SDR42E2: variants seen among roughly 807,000 people sequenced by gnomAD.
SDR42E2 encodes putative short-chain dehydrogenase/reductase family 42E member 2.
SDR42E2 carries 20 observed loss-of-function variants against 10.5 expected under a neutral mutation model. That is an observed-to-expected ratio of 1.90 (90% CI 1.34 to 2.77). The LOEUF is 2.77. Ranked by LOEUF, SDR42E2 falls within the 30% of genes most tolerant of loss-of-function variation. SDR42E2 has a pLI of 0.00. For missense variants in SDR42E2, 162 were observed against 104.2 expected (o/e 1.55, Z -2.42); for synonymous variants, 72 against 39.2 (o/e 1.84, Z -3.12).
At chr16:22,181,699 T>C (rs1246141736) in intron 9 of SDR42E2, 43 bp downstream of exon 9, 1 of 694,892 alleles carries the variant, frequency 1.4e-6, no homozygotes, top group African/African-American at 1.8e-5. Flanking sequence ...CCCACAGGGC[T>C]GCAGGCAGAG....
chr16:22,177,740 A>G (rs2046656826), intron 7 of SDR42E2, among the ~76,000 whole-genome samples: 1 of 152,204 alleles, frequency 6.6e-6, no homozygotes, highest in Non-Finnish European at 1.5e-5. Flanking sequence ...TAAAATGGGC[A>G]CAGTAGTACT....
chr16:22,181,370 C>T (rs1305295226), intron 8 of SDR42E2, 149 bp from the exon 9 acceptor site: 1 of 615,710 alleles, frequency 1.6e-6, no homozygotes. Flanking sequence ...TTAGACAACC[C>T]GTTGCTGATA....
Position 22,190,434 on chromosome 16 carries a change from A to C in SDR42E2, c.*41A>C. ...CGCCCGCTAGGGTCGGCCCCGCTGC[A>C]CCCTCGCCCACGCCCGGCTCCCTGG... On this transcript the variant is annotated 3_prime_UTR_variant, in exon 13 of 13. Coordinates refer to ENST00000602312, the MANE Select transcript of SDR42E2 (RefSeq NM_001394319.2). 1 of 400,750 alleles carries C rather than the reference A, an allele frequency of 2.5e-6. No homozygotes were observed. The highest frequency in any genetic ancestry group is 4.4e-6 in the Non-Finnish European group (1 of 227,208). 24.8% of individuals were successfully genotyped at this position (400,750 alleles called of 1,614,324 possible).
chr16:22,184,033 C>G, intron 10 of SDR42E2, 148 bp from the exon 11 acceptor site: 1 of 393,960 alleles, frequency 2.5e-6, no homozygotes. Context: ...TGGCACAGGC[C>G]TGGGGTTGGC....
chr16:22,176,849 T>C (rs1417852803), intron 7 of SDR42E2, among the ~76,000 whole-genome samples: 1 of 152,194 alleles, frequency 6.6e-6, no homozygotes, highest in Non-Finnish European at 1.5e-5. Flanking sequence ...AGTGGAGAAT[T>C]TGGGAAGCCC....
At chr16:22,187,602 C>CA (rs550730942) in intron 12 of SDR42E2, among the ~76,000 whole-genome samples, 7,305 of 118,448 alleles carry the variant, frequency 0.062, 512 homozygotes, top group African/African-American at 0.18. Flanking sequence ...CCCTAAAAAC[C>CA]AAAAAAAAAA....
At chr16:22,189,499 G>T (rs1189873283) in intron 12 of SDR42E2, among the ~76,000 whole-genome samples, 2 of 152,190 alleles carry the variant, frequency 1.3e-5, no homozygotes, top group Admixed American at 6.5e-5. Context: ...CAGGCCAAAT[G>T]CAGGGTGTGT....
chr16:22,178,312 G>A (rs756730405), intron 8 of SDR42E2, 100 bp downstream of exon 8: 2 of 634,552 alleles, frequency 3.2e-6, no homozygotes, highest in Non-Finnish European at 5.7e-6. Context: ...CATCAGTCTC[G>A]AGGCTAAGTG....
At chr16:22,170,683 C>A in intron 5 of SDR42E2, 150 bp from the exon 6 acceptor site, 1 of 642,646 alleles carries the variant, frequency 1.6e-6, no homozygotes, top group Non-Finnish European at 2.8e-6. Flanking sequence ...CTGGGAGGGT[C>A]CTGGGGGTCC....
intron 4 of SDR42E2, among the ~76,000 whole-genome samples, chr16:22,167,642 G>A (rs909514551): frequency 9.9e-5 from 15 of 152,020 alleles, no homozygotes; most frequent in Admixed American, 6.6e-4. Context: ...ATGTATACCC[G>A]TTGCCTCAGA....
Position 22,165,563 on chromosome 16 carries a change from TC to T in SDR42E2, c.-19del. On this transcript the variant is annotated 5_prime_UTR_variant, in exon 2 of 13. Transcript: ENST00000602312. ...TTCCCACAGGTGGTCGGTTTCTGGG[TC>T]TGCATGGCTCAGTAGAGGATGAAGT... 1 of 401,372 alleles carries T rather than the reference TC, an allele frequency of 2.5e-6. No individual in the cohort carries two copies. Among genetic ancestry groups the T allele is most frequent in the Non-Finnish European group, 4.4e-6 (1 of 226,404 alleles). The allele number at this position is 401,372 out of a possible 1,614,324, so 24.9% of individuals were successfully genotyped here.
chr16:22,188,143 T>C (rs2046748285), intron 12 of SDR42E2, among the ~76,000 whole-genome samples: 1 of 151,996 alleles, frequency 6.6e-6, no homozygotes, highest in Non-Finnish European at 1.5e-5. Flanking sequence ...TTATTGTCTC[T>C]GATGCCCTGC....
rs769903031 is a variant in SDR42E2 at position 22,173,903 on chromosome 16, GTGTA to G, written c.589+1574_589+1577del. The stretch of plus-strand genomic sequence containing the variant: ...ATGGGCTACGTATATATATGTGTGT[GTGTA>G]TATATATATATATATATATATAGCT... On this transcript the variant is annotated intron_variant, in intron 7 of 12. Coordinates refer to ENST00000602312, the MANE Select transcript of SDR42E2 (RefSeq NM_001394319.2). Among the ~76,000 whole-genome samples, 49 of 112,778 alleles carry G rather than the reference GTGTA, an allele frequency of 4.3e-4. 1 individual carries two copies. In the East Asian group the frequency reaches 5.2e-3, roughly 12 times the overall value. 74.0% of individuals were successfully genotyped at this position (112,778 alleles called of 152,430 possible). A position where few individuals can be genotyped will look rare whatever the true frequency, so the allele number is the denominator to read the frequency against.
intron 1 of SDR42E2, among the ~76,000 whole-genome samples, chr16:22,163,578 G>A (rs187740176): frequency 6.6e-6 from 1 of 152,032 alleles, no homozygotes; most frequent in Non-Finnish European, 1.5e-5. Context: ...GTGGTGGCGC[G>A]TGCCTGTAGT....
chr16:22,174,107 C>T (rs1018358950), intron 7 of SDR42E2, among the ~76,000 whole-genome samples: 2 of 150,808 alleles, frequency 1.3e-5, no homozygotes, highest in Admixed American at 6.6e-5. Flanking sequence ...CTGAGGCGGG[C>T]GGATCACAAG....
At position 22,172,106 on chromosome 16, in the gene SDR42E2, C is replaced by T. The variant is rs566322277; in HGVS notation, c.514-150C>T. 6 of 631,602 alleles carry T rather than the reference C, an allele frequency of 9.5e-6. No homozygotes were observed. In the South Asian group the frequency reaches 1.1e-4, roughly 11 times the overall value. The allele number at this position is 631,602 out of a possible 1,614,324, so 39.1% of individuals were successfully genotyped here. A position where few individuals can be genotyped will look rare whatever the true frequency, so the allele number is the denominator to read the frequency against. ...TGGAAGGAGATGCACTGTTCTCCCA[C>T]CCAGGGGGAGAGGAAAGGCCATGGG... On this transcript the variant is annotated intron_variant, in intron 6 of 12. Transcript: ENST00000602312.
intron 3 of SDR42E2, 147 bp from the exon 4 acceptor site, chr16:22,166,757 C>G: frequency 4.5e-6 from 2 of 445,084 alleles, no homozygotes; most frequent in Non-Finnish European, 8.0e-6. Context: ...TTTAGTGAAT[C>G]CTGCCCCACC....
At position 22,190,497 on chromosome 16, in the gene SDR42E2, C is replaced by T; in HGVS notation, c.*104C>T. On this transcript the variant is annotated 3_prime_UTR_variant, in exon 13 of 13. Coordinates refer to ENST00000602312, the MANE Select transcript of SDR42E2 (RefSeq NM_001394319.2). ...CCCTGCCCCGCCTTCTGGGTTTGAG[C>T]GCGCCTCCGCTCCGCCCCTTGAATC... 1 of 399,350 alleles carries T rather than the reference C, an allele frequency of 2.5e-6. No individual in the cohort carries two copies. The highest frequency in any genetic ancestry group is 4.4e-6 in the Non-Finnish European group (1 of 226,362). The allele number at this position is 399,350 out of a possible 1,614,324, so 24.7% of individuals were successfully genotyped here. A position where few individuals can be genotyped will look rare whatever the true frequency, so the allele number is the denominator to read the frequency against.
chr16:22,179,405 GC>G (rs1219616422), intron 8 of SDR42E2, among the ~76,000 whole-genome samples: 1 of 152,078 alleles, frequency 6.6e-6, no homozygotes, highest in African/African-American at 2.4e-5. Context: ...CCTAGTATGT[GC>G]CCCGCACTGT....
Sources: allele counts gnomAD v4.1 joint callset (sites outside exome capture counted in the v4.1 genomes callset), GRCh38; gene constraint gnomAD v4.1.1; transcripts MANE v1.5; gene names NCBI Gene and HGNC (gene_info 2026-07-23, HGNC 2026-07-21).